Variants in TRAF2 observed in about 807,000 individuals in gnomAD.
TRAF2 encodes the protein TNF receptor associated factor 2, also known as TNF receptor-associated factor 2.
In TRAF2, 6 loss-of-function variants were observed where a neutral mutation model predicts 55.6. That is an observed-to-expected ratio of 0.11 (90% confidence interval 0.06 to 0.21). The LOEUF is 0.21. Ranked by LOEUF, TRAF2 falls within the 10% of genes least tolerant of loss-of-function variation. The pLI, the probability that TRAF2 is intolerant of heterozygous loss-of-function variation, is 1.00. For synonymous variants in TRAF2, 329 were observed against 276.3 expected (o/e 1.19, Z -1.89); for missense variants, 561 against 684.5 (o/e 0.82, Z 2.01).
intron 5 of TRAF2, among the ~76,000 whole-genome samples, chr9:136,908,952 T>A (rs542775092): frequency 6.9e-6 from 1 of 145,888 alleles, no homozygotes; most frequent in Non-Finnish European, 1.5e-5. Context: ...GCAGGAGAAT[T>A]GCTTGAACCC....
chr9:136,900,895 G>A (rs1437992617), intron 4 of TRAF2, among the ~76,000 whole-genome samples: 2 of 152,180 alleles, frequency 1.3e-5, no homozygotes, highest in Admixed American at 6.5e-5. Flanking sequence ...AGCATTTCCT[G>A]GGAATGAAGG....
intron 8 of TRAF2, 85 bp from the exon 9 acceptor site, chr9:136,920,953 C>T: frequency 6.5e-7 from 1 of 1,535,410 alleles, no homozygotes; most frequent in South Asian, 1.2e-5. Context: ...GAGCACTGTC[C>T]TGCTGGAGAT....
intron 1 of TRAF2, among the ~76,000 whole-genome samples, chr9:136,888,162 C>T (rs1474061353): frequency 1.3e-5 from 2 of 152,196 alleles, no homozygotes; most frequent in Admixed American, 6.5e-5. Context: ...TGAGCCACCG[C>T]GCCCGGCCAT....
At chr9:136,886,303 A>G, upstream of TRAF2, 1 of 767,848 alleles carries the variant, frequency 1.3e-6, no homozygotes, top group Non-Finnish European at 1.6e-6. Flanking sequence ...CTCAGCGCCG[A>G]CCAATCGGCG....
intron 1 of TRAF2, among the ~76,000 whole-genome samples, chr9:136,892,814 A>C (rs961806816): frequency 2.6e-5 from 4 of 151,678 alleles, no homozygotes; most frequent in African/African-American, 9.7e-5. Context: ...TGGGAGGCGG[A>C]GGTTGCACCT....
chr9:136,908,163 C>G lies in TRAF2; in HGVS notation c.460C>G (p.His154Asp). 6.2e-7 allele frequency: 1 copy of G among 1,602,974 alleles called. No individual in the cohort carries two copies. The highest frequency in any genetic ancestry group is 1.1e-5 in the South Asian group (1 of 91,082). ...RLGEKERHLE[H>D]ECPERSLSCR... ...TGGTGAAAAGGAGCGCCACCTGGAG[C>G]ACGAGTGCCCGGAGAGAAGCCTGAG... Residue 154 changes from histidine (H) to aspartate (D), a missense_variant, in exon 5 of 11, where the codon CAC becomes GAC. By Grantham distance (81) the His-to-Asp change is moderately conservative. Coordinates refer to ENST00000247668, the MANE Select transcript of TRAF2 (RefSeq NM_021138.4).
intron 6 of TRAF2, 190 bp downstream of exon 6, chr9:136,910,184 G>A (rs1850070930): frequency 1.6e-6 from 1 of 637,808 alleles, no homozygotes; most frequent in Non-Finnish European, 2.8e-6. Context: ...CCGGGGGCCA[G>A]GTGGCTGAGT....
chr9:136,914,355 G>A, intron 6 of TRAF2, among the ~76,000 whole-genome samples: 1 of 152,158 alleles, frequency 6.6e-6, no homozygotes, highest in East Asian at 1.9e-4. Flanking sequence ...CAGGTTCCTG[G>A]CCTCTTCTCC....
intron 9 of TRAF2, chr9:136,922,395 C>T (rs1311856313): frequency 6.6e-6 from 1 of 152,302 alleles, no homozygotes; most frequent in Non-Finnish European, 1.5e-5. Flanking sequence ...CTGGCTCAGC[C>T]GATTGTATAT....
intron 7 of TRAF2, among the ~76,000 whole-genome samples, chr9:136,919,726 T>G (rs1030865705): frequency 2.6e-5 from 4 of 151,562 alleles, no homozygotes; most frequent in African/African-American, 9.7e-5. Flanking sequence ...CCCTTTTTTC[T>G]TTTCTTCCAA....
intron 1 of TRAF2, chr9:136,898,511 T>G: frequency 1.1e-6 from 1 of 915,434 alleles, no homozygotes; most frequent in Non-Finnish European, 1.3e-6. Flanking sequence ...TGAGCCTGAG[T>G]TTCCATACTA....
chr9:136,925,342 C>G (rs1438779064), intron 10 of TRAF2, among the ~76,000 whole-genome samples: 1 of 152,232 alleles, frequency 6.6e-6, no homozygotes, highest in Non-Finnish European at 1.5e-5. Flanking sequence ...AAGAAAATGT[C>G]TTTGCCAGAT....
chr9:136,887,922 T>C (rs752007145), intron 1 of TRAF2, among the ~76,000 whole-genome samples: 19 of 152,086 alleles, frequency 1.2e-4, no homozygotes, highest in Non-Finnish European at 2.5e-4. Context: ...CAGGCTGGAG[T>C]GCAGTGGCTC....
In TRAF2 at chr9:136,899,634, A is replaced by T; in HGVS notation, c.229A>T (p.Ile77Leu). ...CTGTGCTGCCTGTGTTCACGAGGGCATATATGAAGAAGGCATTTCTATTTT... is the reference window on the plus strand; with the variant it reads ...CTGTGCTGCCTGTGTTCACGAGGGCTTATATGAAGAAGGCATTTCTATTTT... ...QNCAACVHEGIYEEGISILES... is the reference protein window; with the variant it reads ...QNCAACVHEGLYEEGISILES... Residue 77 changes from isoleucine to leucine, a missense_variant, in exon 3 of 11, where the codon ATA (isoleucine) becomes TTA (leucine). Around this residue, in one of 2 missense-constraint regions of TRAF2, gnomAD observed 426 missense variants for 476.8 expected, o/e 0.89. Coordinates refer to ENST00000247668, the MANE Select transcript of TRAF2 (RefSeq NM_021138.4). The T allele has an allele frequency of 6.2e-7, 1 of 1,613,354 alleles. No homozygotes were observed. The highest frequency in any genetic ancestry group is 8.5e-7 in the Non-Finnish European group (1 of 1,179,400).
At chr9:136,919,880 T>TAATTTTTAAA (rs974732714) in intron 7 of TRAF2, among the ~76,000 whole-genome samples, 2 of 152,118 alleles carry the variant, frequency 1.3e-5, no homozygotes, top group African/African-American at 2.4e-5. Context: ...CATGCCCAGC[T>TAATTTTTAAA]AATTTTTAAA....
At chr9:136,924,882 GCA>G (rs1408619009) in intron 10 of TRAF2, among the ~76,000 whole-genome samples, 19 of 152,006 alleles carry the variant, frequency 1.2e-4, no homozygotes, top group Non-Finnish European at 1.3e-4. Flanking sequence ...GGGACTACAG[GCA>G]TGCACCACCA....
intron 1 of TRAF2, chr9:136,886,742 T>G (rs1849460143): frequency 6.9e-6 from 2 of 289,954 alleles, no homozygotes. Context: ...GGAAACCAAG[T>G]CCGAGCGTGG....
upstream of TRAF2, among the ~76,000 whole-genome samples, chr9:136,883,796 C>A (rs1849401188): frequency 6.6e-6 from 1 of 151,012 alleles, no homozygotes; most frequent in Non-Finnish European, 1.5e-5. Context: ...GGATTACAAA[C>A]ATGAGCCACT....
At chr9:136,903,386 CAG>C (rs893075660) in intron 4 of TRAF2, among the ~76,000 whole-genome samples, 1 of 152,168 alleles carries the variant, frequency 6.6e-6, no homozygotes, top group African/African-American at 2.4e-5. Context: ...GGAGACTTTC[CAG>C]AGAGGACATA....
Sources: allele counts gnomAD v4.1 joint callset (sites outside exome capture counted in the v4.1 genomes callset), GRCh38; gene constraint gnomAD v4.1.1; regional missense constraint gnomAD v4.1.1; transcripts MANE v1.5; gene names NCBI Gene and HGNC (gene_info 2026-07-23, HGNC 2026-07-21).